Variants in CDH13 observed in about 807,000 individuals in gnomAD.
CDH13 encodes the protein cadherin-13.
A neutral mutation model predicts 63.8 loss-of-function variants in CDH13; 24 were observed. The ratio of observed to expected loss-of-function variants is 0.38; its 90% CI spans 0.27 to 0.53. CDH13 has a LOEUF of 0.53. Among genes scored for constraint, CDH13 ranks in the 20% least tolerant of loss-of-function variants. The probability of loss-of-function intolerance (pLI) is 0.85; values close to 1 mark genes in which losing one functional copy is unlikely to be tolerated. For synonymous variants in CDH13, 503 were observed against 355.3 expected, an observed-to-expected ratio of 1.42 and a Z score of -4.67; for missense variants, 1,049 against 903.1, an observed-to-expected ratio of 1.16 and a Z score of -2.07.
At chr16:83,212,747 G>A (rs1029418098) in intron 4 of CDH13, among the ~76,000 whole-genome samples, 2 of 152,122 alleles carry the variant, frequency 1.3e-5, no homozygotes, top group African/African-American at 4.8e-5. Flanking sequence ...AGAATCACCT[G>A]GGGAGGGGGG....
chr16:82,870,333 G>A (rs1276994446), intron 2 of CDH13, among the ~76,000 whole-genome samples: 1 of 152,156 alleles, frequency 6.6e-6, no homozygotes, highest in Admixed American at 6.5e-5. Flanking sequence ...TGGTGAGGGG[G>A]TGGAGAAAAG....
At chr16:83,308,478 A>G (rs77967061) in intron 5 of CDH13, among the ~76,000 whole-genome samples, 1 of 152,374 alleles carries the variant, frequency 6.6e-6, no homozygotes, top group African/African-American at 2.4e-5. Flanking sequence ...CTTGAGAATT[A>G]CATTTACTCT....
At chr16:83,170,410 C>T (rs968784061) in intron 4 of CDH13, among the ~76,000 whole-genome samples, 1 of 152,012 alleles carries the variant, frequency 6.6e-6, no homozygotes, top group Admixed American at 6.6e-5. Context: ...CACAGGGTTC[C>T]CAAACTGGAA....
At chr16:83,105,585 C>A (rs1415879903) in intron 3 of CDH13, among the ~76,000 whole-genome samples, 3 of 151,946 alleles carry the variant, frequency 2.0e-5, no homozygotes, top group African/African-American at 2.4e-5. Context: ...CCAAAAACTT[C>A]TTTGGGAAAA....
At chr16:83,539,921 G>A (rs1598254471) in intron 7 of CDH13, among the ~76,000 whole-genome samples, 1 of 152,260 alleles carries the variant, frequency 6.6e-6, no homozygotes, top group African/African-American at 2.4e-5. Flanking sequence ...GAGAATTTGA[G>A]CGTGATTAAT....
intron 3 of CDH13, among the ~76,000 whole-genome samples, chr16:83,057,647 C>G (rs1459575049): frequency 2.0e-5 from 3 of 151,422 alleles, no homozygotes; most frequent in African/African-American, 4.9e-5. Context: ...GCATGACACA[C>G]AAAACCATCT....
intron 6 of CDH13, among the ~76,000 whole-genome samples, chr16:83,453,324 C>T (rs188070841): frequency 3.9e-5 from 6 of 152,074 alleles, no homozygotes; most frequent in South Asian, 2.1e-4. Flanking sequence ...AAAGAACTTG[C>T]TCAGGTAACC....
At chr16:83,137,457 C>T (rs1256380909) in intron 4 of CDH13, among the ~76,000 whole-genome samples, 1 of 152,208 alleles carries the variant, frequency 6.6e-6, no homozygotes, top group African/African-American at 2.4e-5. Flanking sequence ...TGCGCTGAGT[C>T]AGGGCCGGAG....
chr16:82,627,510 C>G (rs1907469053), intron 1 of CDH13, among the ~76,000 whole-genome samples: 1 of 152,134 alleles, frequency 6.6e-6, no homozygotes, highest in Non-Finnish European at 1.5e-5. Flanking sequence ...GAGAAAGACT[C>G]AGTTAGAGGC....
intron 5 of CDH13, among the ~76,000 whole-genome samples, chr16:83,334,304 TC>T (rs1311955487): frequency 6.9e-6 from 1 of 145,522 alleles, no homozygotes; most frequent in East Asian, 2.0e-4. Context: ...TCCCTCTCTC[TC>T]CCCCCTCTCT....
chr16:83,046,071 T>G (rs1018402286), intron 3 of CDH13, among the ~76,000 whole-genome samples: 5 of 152,198 alleles, frequency 3.3e-5, no homozygotes, highest in Non-Finnish European at 7.3e-5. Context: ...AATTGCTTGT[T>G]TAAGCAAAGC....
chr16:82,666,654 C>G (rs142959580), intron 1 of CDH13, among the ~76,000 whole-genome samples: 1 of 152,184 alleles, frequency 6.6e-6, no homozygotes, highest in Non-Finnish European at 1.5e-5. Flanking sequence ...CATACAACAA[C>G]CATGGTAACT....
intron 11 of CDH13, among the ~76,000 whole-genome samples, chr16:83,751,319 G>GTTT (rs2150975972): frequency 6.6e-6 from 1 of 152,290 alleles, no homozygotes; most frequent in South Asian, 2.1e-4. Flanking sequence ...AGATACACAG[G>GTTT]CACAGTGGCT....
intron 11 of CDH13, among the ~76,000 whole-genome samples, chr16:83,778,671 G>A (rs1915288878): frequency 6.6e-6 from 1 of 152,160 alleles, no homozygotes; most frequent in South Asian, 2.1e-4. Context: ...AAGGTCCAAA[G>A]ATTATATGAT....
intron 2 of CDH13, among the ~76,000 whole-genome samples, chr16:82,891,470 G>A (rs2041079529): frequency 6.6e-6 from 1 of 152,158 alleles, no homozygotes; most frequent in African/African-American, 2.4e-5. Context: ...ACACATTGTT[G>A]AAAATACTGA....
chr16:82,653,173 G>A (rs1298102380), intron 1 of CDH13, among the ~76,000 whole-genome samples: 1 of 152,136 alleles, frequency 6.6e-6, no homozygotes, highest in Non-Finnish European at 1.5e-5. Flanking sequence ...CCAAGTGTCT[G>A]TGAAGAAGAC....
intron 2 of CDH13, among the ~76,000 whole-genome samples, chr16:82,866,117 C>T (rs1351602046): frequency 6.6e-6 from 1 of 152,118 alleles, no homozygotes. Flanking sequence ...TTCCTCATCA[C>T]CCTCTGAGAC....
chr16:82,679,530 G>C (rs984530304), intron 1 of CDH13, among the ~76,000 whole-genome samples: 1 of 152,184 alleles, frequency 6.6e-6, no homozygotes, highest in African/African-American at 2.4e-5. Flanking sequence ...TGGAAACCGA[G>C]GCAGAAGATA....
intron 2 of CDH13, among the ~76,000 whole-genome samples, chr16:82,972,198 G>A (rs943743085): frequency 6.6e-6 from 1 of 152,120 alleles, no homozygotes; most frequent in Non-Finnish European, 1.5e-5. Context: ...CAGATCAATA[G>A]AATGGAGGAA....
Sources: allele counts gnomAD v4.1 joint callset (sites outside exome capture counted in the v4.1 genomes callset), GRCh38; gene constraint gnomAD v4.1.1; transcripts MANE v1.5; gene names NCBI Gene and HGNC (gene_info 2026-07-23, HGNC 2026-07-21).